The following TTC29 variants were observed in gnomAD, a reference collection of about 807,000 sequenced individuals.
TTC29 encodes tetratricopeptide repeat domain 29.
In TTC29, 49 loss-of-function variants were observed where a neutral mutation model predicts 58.1. That is an observed-to-expected ratio of 0.84 (90% CI 0.67 to 1.07). The LOEUF (loss-of-function observed/expected upper bound fraction) is 1.07, where lower values mean the gene tolerates loss of function less well. Ranked by LOEUF, TTC29 falls within the 50% of genes least tolerant of loss-of-function variation. TTC29 has a pLI of 0.00. For missense variants in TTC29, 582 were observed against 555.6 expected (o/e 1.05, Z -0.48); for synonymous variants, 209 against 196.8 (o/e 1.06, Z -0.52).
intron 11 of TTC29, among the ~76,000 whole-genome samples, chr4:146,797,960 ATT>A (rs1039486217): frequency 6.8e-6 from 1 of 147,170 alleles, no homozygotes; most frequent in Non-Finnish European, 1.5e-5. Flanking sequence ...TCTCTGTTCA[ATT>A]TTTTTTTCAG....
At chr4:146,776,636 G>C (rs1256407057) in intron 11 of TTC29, among the ~76,000 whole-genome samples, 14 of 152,136 alleles carry the variant, frequency 9.2e-5, no homozygotes, top group African/African-American at 2.9e-4. Context: ...CTGGAGGTTA[G>C]GAATCTGCTG....
intron 6 of TTC29, among the ~76,000 whole-genome samples, chr4:146,896,088 A>G (rs1732750740): frequency 6.6e-6 from 1 of 152,156 alleles, no homozygotes; most frequent in Admixed American, 6.5e-5. Flanking sequence ...ACTTAACTTT[A>G]TGTTTAATTG....
intron 11 of TTC29, among the ~76,000 whole-genome samples, chr4:146,740,163 T>C (rs909434732): frequency 2.6e-5 from 4 of 152,176 alleles, no homozygotes; most frequent in Non-Finnish European, 5.9e-5. Context: ...CTCCGTTGCA[T>C]GGAGCCATCG....
At chr4:146,877,821 T>C (rs55990502) in intron 6 of TTC29, among the ~76,000 whole-genome samples, 8,188 of 152,006 alleles carry the variant, frequency 0.054, 347 homozygotes, top group East Asian at 0.13. Context: ...GGAAATGAAG[T>C]TCTGGGTAAC....
Position 146,706,910 on chromosome 4 carries a change from G to C in TTC29, c.*248C>G, listed in dbSNP as rs1741996310. 1 of 329,790 alleles carries C rather than the reference G, an allele frequency of 3.0e-6. No individual in the cohort carries two copies. Among genetic ancestry groups the C allele is most frequent in the African/African-American group, 2.1e-5 (1 of 47,010 alleles). The allele number at this position is 329,790 out of a possible 1,614,324, so 20.4% of individuals were successfully genotyped here. ...CTATTTCTTGTGGAATAGTGGATAA[G>C]AGGAAATCATTTATTTCATGGATGA... On this transcript the variant is annotated 3_prime_UTR_variant, in exon 13 of 13. Coordinates refer to ENST00000325106, the MANE Select transcript of TTC29 (RefSeq NM_031956.4).
chr4:146,840,274 G>T (rs1317366111), intron 8 of TTC29, among the ~76,000 whole-genome samples: 20 of 151,152 alleles, frequency 1.3e-4, no homozygotes, highest in Admixed American at 9.9e-4. Context: ...AAAAAAGGAA[G>T]AGGGAAATGT....
At chr4:146,807,654 T>A (rs1168403101) in intron 10 of TTC29, among the ~76,000 whole-genome samples, 2 of 152,100 alleles carry the variant, frequency 1.3e-5, no homozygotes, top group African/African-American at 4.8e-5. Flanking sequence ...ATGGATAAAT[T>A]CCTGGACACA....
intron 8 of TTC29, among the ~76,000 whole-genome samples, chr4:146,850,190 G>A (rs1486706051): frequency 6.6e-6 from 1 of 152,158 alleles, no homozygotes; most frequent in African/African-American, 2.4e-5. Flanking sequence ...ATGTTCTTAA[G>A]ACTACATGTG....
intron 4 of TTC29, among the ~76,000 whole-genome samples, chr4:146,920,964 AT>A (rs1409191888): frequency 1.3e-5 from 2 of 151,354 alleles, no homozygotes; most frequent in African/African-American, 4.8e-5. Context: ...GACTCAACAT[AT>A]TTTGATTTTC....
chr4:146,726,734 T>C (rs1018870482), intron 11 of TTC29, among the ~76,000 whole-genome samples: 9 of 152,206 alleles, frequency 5.9e-5, no homozygotes, highest in Non-Finnish European at 4.4e-5. Context: ...GTTACTCACA[T>C]AAGGGTTTGA....
At chr4:146,907,666 T>G (rs188073849) in intron 5 of TTC29, among the ~76,000 whole-genome samples, 269 of 152,096 alleles carry the variant, frequency 1.8e-3, no homozygotes, top group Middle Eastern at 3.4e-3. Context: ...CCCGGCTAAT[T>G]TTTTTGTATT....
intron 6 of TTC29, among the ~76,000 whole-genome samples, chr4:146,897,539 C>G (rs1390959991): frequency 3.3e-5 from 5 of 152,190 alleles, no homozygotes; most frequent in Admixed American, 1.3e-4. Context: ...CTGCCACCCC[C>G]TGCTGATCAT....
intron 11 of TTC29, among the ~76,000 whole-genome samples, chr4:146,766,572 G>T (rs1243458727): frequency 2.0e-5 from 3 of 151,978 alleles, no homozygotes; most frequent in Non-Finnish European, 2.9e-5. Context: ...ATTAAAAAAT[G>T]AATTAGTATT....
At chr4:146,787,211 G>T (rs1338779008) in intron 11 of TTC29, among the ~76,000 whole-genome samples, 2 of 152,174 alleles carry the variant, frequency 1.3e-5, no homozygotes, top group Non-Finnish European at 2.9e-5. Context: ...GATGGTACAT[G>T]AATAGCATCA....
chr4:146,708,355 T>C (rs1258175022), intron 11 of TTC29, among the ~76,000 whole-genome samples: 1,158 of 19,852 alleles, frequency 0.058, 25 homozygotes, highest in African/African-American at 0.085. Flanking sequence ...TATATATATA[T>C]ACACATGTAT....
At chr4:146,918,350 A>G (rs982824727) in intron 4 of TTC29, among the ~76,000 whole-genome samples, 17 of 151,162 alleles carry the variant, frequency 1.1e-4, no homozygotes, top group African/African-American at 3.9e-4. Context: ...ATATAACTCA[A>G]CGAATAATAA....
chr4:146,742,072 T>C (rs1228067524), intron 11 of TTC29, among the ~76,000 whole-genome samples: 1 of 152,196 alleles, frequency 6.6e-6, no homozygotes, highest in Non-Finnish European at 1.5e-5. Context: ...AGCTGGTAAA[T>C]GGTGAGGCCA....
chr4:146,801,283 T>C (rs775625325), intron 11 of TTC29, among the ~76,000 whole-genome samples: 11 of 152,324 alleles, frequency 7.2e-5, no homozygotes, highest in Admixed American at 1.3e-4. Flanking sequence ...TATGTTTATG[T>C]AAACAAACCT....
chr4:146,886,555 G>T (rs182349509), intron 6 of TTC29, among the ~76,000 whole-genome samples: 4 of 152,288 alleles, frequency 2.6e-5, no homozygotes, highest in Admixed American at 2.6e-4. Context: ...GCGTGGGCTA[G>T]GGTAGGGCTG....
Sources: allele counts gnomAD v4.1 joint callset (sites outside exome capture counted in the v4.1 genomes callset), GRCh38; gene constraint gnomAD v4.1.1; transcripts MANE v1.5; gene names NCBI Gene and HGNC (gene_info 2026-07-23, HGNC 2026-07-21).